The following ANAPC1 variants were observed in gnomAD, a reference collection of about 807,000 sequenced individuals.
ANAPC1 encodes anaphase promoting complex subunit 1, also known as anaphase-promoting complex subunit 1.
Under a neutral mutation model 208.0 loss-of-function variants are expected in ANAPC1, and 36 were observed. The ratio of observed to expected loss-of-function variants is 0.17; its 90% CI spans 0.13 to 0.23. The LOEUF (loss-of-function observed/expected upper bound fraction) is 0.23, where lower values mean the gene tolerates loss of function less well. Among genes scored for constraint, ANAPC1 ranks in the 10% least tolerant of loss-of-function variants. The probability of loss-of-function intolerance (pLI) is 1.00; values close to 1 mark genes in which losing one functional copy is unlikely to be tolerated. For missense variants in ANAPC1, 942 were observed against 2,011.6 expected (o/e 0.47, Z 10.17); for synonymous variants, 378 against 695.2 (o/e 0.54, Z 7.18).
chr2:111,782,302 AGCAATGGGCGAGGAAG>A, intron 43 of ANAPC1, 51 bp downstream of exon 43: 1 of 1,600,768 alleles, frequency 6.2e-7, no homozygotes, highest in Non-Finnish European at 8.5e-7. Context: ...TGAAGTTTAT[AGCAATGGGCGAGGAAG>A]CCGGCAATTT....
Position 111,843,419 on chromosome 2 carries a change from G to T in ANAPC1, c.2033C>A (p.Thr678Asn). 6.2e-7 allele frequency: 1 copy of T among 1,611,880 alleles called. No homozygotes were observed. The highest frequency in any genetic ancestry group is 8.5e-7 in the Non-Finnish European group (1 of 1,179,836). ...ACAATAGTATTTACTTACATTTCTA[G>T]TCCATGCTAAGCGGTCTGTGTTATA... ...MGYNTDRLAW[T>N]RNFDFEGSLS... The change falls in exon 17 of 48, where the codon ACT becomes AAT. Residue 678 changes from threonine (T) to asparagine (N), a missense_variant. Thr to Asn is a moderately conservative substitution (Grantham distance 65). Coordinates refer to ENST00000341068, the MANE Select transcript of ANAPC1 (RefSeq NM_022662.4).
In ANAPC1 at chr2:111,864,819, C is replaced by T. The variant is rs1274447051; in HGVS notation, c.818G>A (p.Arg273Lys). ...QNVHSVWTLR[R>K]VKSEEENVVL... ...CTTTCTCCTTACCTCTGATTTGACT[C>T]TCCGGAGAGTCCACACAGAATGCAC... The change falls in exon 8 of 48, where the codon AGA becomes AAA. Residue 273 changes from arginine to lysine, a missense_variant. By Grantham distance (26) the Arg-to-Lys change is conservative. Transcript: ENST00000341068. The T allele has an allele frequency of 6.2e-7, 1 of 1,611,238 alleles. No individual in the cohort carries two copies. The highest frequency in any genetic ancestry group is 2.2e-5 in the East Asian group (1 of 44,846).
rs1399669343 is a variant in ANAPC1 at position 111,821,188 on chromosome 2, C to G, written c.3206+51G>C. 6 of 1,592,210 alleles carry G rather than the reference C, an allele frequency of 3.8e-6. No individual in the cohort carries two copies. In the African/African-American group the frequency reaches 8.1e-5, roughly 21 times the overall value. On this transcript the variant is annotated intron_variant, in intron 26 of 47. Transcript: ENST00000341068. ...AGGAAAAACAAATATACACAAGACACAAATGTAACAATGAAACATGACAAG... is the reference window on the plus strand; with the variant it reads ...AGGAAAAACAAATATACACAAGACAGAAATGTAACAATGAAACATGACAAG...
At chr2:111,845,841 G>A (rs1681027762) in intron 16 of ANAPC1, among the ~76,000 whole-genome samples, 1 of 152,002 alleles carries the variant, frequency 6.6e-6, no homozygotes, top group Non-Finnish European at 1.5e-5. Context: ...CGGGCGTGGT[G>A]GCGGGCACCT....
At chr2:111,869,295 G>A (rs1335586730) in intron 6 of ANAPC1, among the ~76,000 whole-genome samples, 1 of 152,024 alleles carries the variant, frequency 6.6e-6, no homozygotes, top group Admixed American at 6.6e-5. Flanking sequence ...CCCAGCTGGA[G>A]TGCAGTGATG....
chr2:111,845,052 T>A (rs1680981671), intron 16 of ANAPC1, among the ~76,000 whole-genome samples: 1 of 152,184 alleles, frequency 6.6e-6, no homozygotes, highest in African/African-American at 2.4e-5. Context: ...CTCACTATGT[T>A]GTCCAAGCTG....
In ANAPC1 at chr2:111,880,805, T is replaced by C. The variant is rs904999717; in HGVS notation, c.21A>G (p.Glu7=). The C allele has an allele frequency of 6.2e-7, 1 of 1,613,788 alleles. No homozygotes were observed. Among genetic ancestry groups the C allele is most frequent in the Non-Finnish European group, 8.5e-7 (1 of 1,179,882 alleles). The change falls in exon 2 of 48, where the codon GAA becomes GAG. Residue 7 remains glutamate (E), a synonymous_variant. Transcript: ENST00000341068. ...CCCTTGCTGCAATCATCGTTGTCCT[T>C]TCTTCATAGAAGTTCGACATGGGTT... MSNFYE[E]RTTMIAARDL...
intron 28 of ANAPC1, among the ~76,000 whole-genome samples, chr2:111,812,270 C>T (rs1460617938): frequency 1.1e-5 from 1 of 89,362 alleles, no homozygotes; most frequent in Non-Finnish European, 2.4e-5. Context: ...CTCAACTAGA[C>T]TCTTAGAGCT....
chr2:111,864,693 C>G, intron 8 of ANAPC1, 113 bp downstream of exon 8: 1 of 1,551,298 alleles, frequency 6.4e-7, no homozygotes, highest in Non-Finnish European at 8.8e-7. Flanking sequence ...AACGTCCTGA[C>G]CTCAAGTGAT....
At chr2:111,810,582 G>C (rs865853547) in intron 28 of ANAPC1, among the ~76,000 whole-genome samples, 5 of 149,740 alleles carry the variant, frequency 3.3e-5, no homozygotes, top group Non-Finnish European at 7.4e-5. Context: ...GTTAGAGTGT[G>C]GGGGAGCAAG....
chr2:111,827,006 T>G (rs1008098078), intron 21 of ANAPC1, among the ~76,000 whole-genome samples: 2 of 149,218 alleles, frequency 1.3e-5, no homozygotes, highest in African/African-American at 5.0e-5. Flanking sequence ...TTCATTTATC[T>G]TAAGTAAATA....
chr2:111,871,651 C>G (rs1334897011), intron 6 of ANAPC1, among the ~76,000 whole-genome samples: 3 of 152,148 alleles, frequency 2.0e-5, no homozygotes, highest in African/African-American at 7.2e-5. Flanking sequence ...ACTCAGGAGG[C>G]TGAAGCAGGA....
chr2:111,766,920 C>G (rs549258786), downstream of ANAPC1: 11 of 470,712 alleles, frequency 2.3e-5, no homozygotes, highest in African/African-American at 2.2e-4. Context: ...TGGCCTTATT[C>G]AAGGAAGACT....
intron 46 of ANAPC1, among the ~76,000 whole-genome samples, chr2:111,775,784 A>G (rs1327327147): frequency 1.3e-5 from 2 of 152,200 alleles, no homozygotes. Flanking sequence ...ATAGGTGATC[A>G]AATGTTAAAT....
At chr2:111,838,989 C>G (rs1442965474) in intron 17 of ANAPC1, among the ~76,000 whole-genome samples, 1 of 152,160 alleles carries the variant, frequency 6.6e-6, no homozygotes. Flanking sequence ...CTTTTTTCTC[C>G]TCTTTCTCCT....
At chr2:111,828,215 C>T (rs940351765) in intron 21 of ANAPC1, among the ~76,000 whole-genome samples, 1 of 151,970 alleles carries the variant, frequency 6.6e-6, no homozygotes, top group African/African-American at 2.4e-5. Flanking sequence ...CAAATCAAAA[C>T]AATGAGATAT....
intron 12 of ANAPC1, 54 bp from the exon 13 acceptor site, chr2:111,856,733 G>T (rs1558726144): frequency 1.2e-6 from 2 of 1,613,200 alleles, no homozygotes; most frequent in African/African-American, 1.3e-5. Flanking sequence ...CAAATTAACA[G>T]ATTTTTTGAC....
chr2:111,850,767 T>G lies in ANAPC1; in HGVS notation c.1650+9A>C. 6.2e-7 allele frequency: 1 copy of G among 1,610,918 alleles called. No homozygotes were observed. The highest frequency in any genetic ancestry group is 8.5e-7 in the Non-Finnish European group (1 of 1,179,622). ...TTAACTTTTTGGCAACACCTAGTCC[T>G]TTTCTTACCTCGTCCAATGATCCAA... On this transcript the variant is annotated intron_variant, in intron 14 of 47. Transcript: ENST00000341068.
chr2:111,866,077 C>G (rs1385945379), intron 7 of ANAPC1: 1 of 177,550 alleles, frequency 5.6e-6, no homozygotes, highest in Non-Finnish European at 1.2e-5. Flanking sequence ...GGTGGCGGGC[C>G]CCTGTAGTCC....
Sources: gnomAD v4.1 joint callset for allele counts (sites outside exome capture counted in the v4.1 genomes callset) on GRCh38, gnomAD v4.1.1 for gene constraint, MANE v1.5 for transcripts, NCBI Gene and HGNC (gene_info 2026-07-23, HGNC 2026-07-21) for gene names.